PAG1: variants seen among roughly 807,000 people sequenced by gnomAD.
PAG1 encodes the protein phosphoprotein associated with glycosphingolipid-enriched microdomains 1.
PAG1 carries 23 observed loss-of-function variants against 31.7 expected under a neutral mutation model. That is an observed-to-expected ratio of 0.73 (90% CI 0.52 to 1.03). PAG1 has a LOEUF of 1.03. PAG1 is among the 50% of genes least tolerant of loss of function. PAG1 has a pLI of 0.00. For missense variants in PAG1, 473 were observed against 540.7 expected (o/e 0.87, Z 1.24); for synonymous variants, 214 against 210.3 (o/e 1.02, Z -0.15).
At position 80,984,849 on chromosome 8, in the gene PAG1, T is replaced by C; in HGVS notation, c.803A>G (p.Asn268Ser). The C allele has an allele frequency of 1.2e-6, 2 of 1,614,170 alleles. No individual in the cohort carries two copies. Among genetic ancestry groups the C allele is most frequent in the Non-Finnish European group, 1.7e-6 (2 of 1,180,006 alleles). Reference protein sequence around the residue: ...PPVPVKLLDENENLQEKEGGE... With the variant: ...PPVPVKLLDESENLQEKEGGE... ...CCCTTCCTTCTCCTGAAGGTTTTCATTCTCGTCCAGAAGCTTAACAGGGAC... is the reference window on the plus strand; with the variant it reads ...CCCTTCCTTCTCCTGAAGGTTTTCACTCTCGTCCAGAAGCTTAACAGGGAC... The change falls in exon 7 of 9, where the codon AAT becomes AGT. Residue 268 changes from asparagine to serine, a missense_variant. Asn to Ser is a conservative substitution (Grantham distance 46). Coordinates refer to ENST00000220597, the MANE Select transcript of PAG1 (RefSeq NM_018440.4).
chr8:81,039,137 T>A (rs1808510964), intron 2 of PAG1, among the ~76,000 whole-genome samples: 1 of 152,156 alleles, frequency 6.6e-6, no homozygotes, highest in Non-Finnish European at 1.5e-5. Flanking sequence ...GAGAATCTTA[T>A]ACTCTGTGTG....
At chr8:81,065,797 G>A (rs1427516534) in intron 2 of PAG1, among the ~76,000 whole-genome samples, 1 of 150,290 alleles carries the variant, frequency 6.7e-6, no homozygotes, top group Non-Finnish European at 1.5e-5. Flanking sequence ...ATATATATAT[G>A]TATATATATG....
At chr8:81,030,315 T>A (rs1388867006) in intron 2 of PAG1, among the ~76,000 whole-genome samples, 1 of 152,190 alleles carries the variant, frequency 6.6e-6, no homozygotes, top group Non-Finnish European at 1.5e-5. Context: ...TATCTCCCCA[T>A]CCACCCAAAA....
intron 1 of PAG1, among the ~76,000 whole-genome samples, chr8:81,082,986 C>A (rs1368095634): frequency 6.6e-6 from 1 of 151,544 alleles, no homozygotes; most frequent in Admixed American, 6.6e-5. Context: ...TCATTGAAAC[C>A]TGGACATTTT....
chr8:81,098,239 T>A (rs1809557460), intron 1 of PAG1, among the ~76,000 whole-genome samples: 3 of 152,316 alleles, frequency 2.0e-5, no homozygotes, highest in South Asian at 4.1e-4. Flanking sequence ...AAAAGACTAA[T>A]GGGCTTGCTA....
At chr8:81,002,473 C>T (rs369988772) in intron 3 of PAG1, among the ~76,000 whole-genome samples, 232 of 152,314 alleles carry the variant, frequency 1.5e-3, no homozygotes, top group African/African-American at 5.1e-3. Context: ...ACCCTCAAGA[C>T]TGGAGAAGTA....
intron 3 of PAG1, among the ~76,000 whole-genome samples, chr8:81,016,747 T>C (rs1808078962): frequency 6.6e-6 from 1 of 152,148 alleles, no homozygotes; most frequent in Non-Finnish European, 1.5e-5. Context: ...AGAAATGAAA[T>C]CTCTTTCCCC....
At chr8:81,032,755 C>T (rs1380429729) in intron 2 of PAG1, among the ~76,000 whole-genome samples, 1 of 152,166 alleles carries the variant, frequency 6.6e-6, no homozygotes, top group Non-Finnish European at 1.5e-5. Context: ...TACGTCCACA[C>T]AAAAACTTGC....
At chr8:81,061,107 A>T (rs974927737) in intron 2 of PAG1, among the ~76,000 whole-genome samples, 3 of 152,258 alleles carry the variant, frequency 2.0e-5, no homozygotes, top group Non-Finnish European at 2.9e-5. Context: ...CTATTCCCAG[A>T]CATAACAAGA....
intron 1 of PAG1, among the ~76,000 whole-genome samples, chr8:81,094,782 T>C (rs763126171): frequency 4.6e-5 from 7 of 152,232 alleles, no homozygotes; most frequent in Non-Finnish European, 1.0e-4. Context: ...TGTTCACTCA[T>C]GAAACAACCC....
intron 1 of PAG1, among the ~76,000 whole-genome samples, chr8:81,078,211 T>G (rs961637330): frequency 6.6e-6 from 1 of 152,192 alleles, no homozygotes; most frequent in Non-Finnish European, 1.5e-5. Flanking sequence ...TTTAATCTGT[T>G]TAGTAAAATC....
rs1808788949 is a variant in PAG1, at chr8:81,054,811, G to A, written c.-175+15301C>T. 2.0e-5 allele frequency among the ~76,000 whole-genome samples: 3 copies of A among 152,190 alleles called. No individual in the cohort carries two copies. In the South Asian group the frequency reaches 6.2e-4, roughly 32 times the overall value. ...CTAAGTGACACAGCTGGTAAGTGGT[G>A]AAAGAGGTCTGATTCCAGCCCAAGG... On this transcript the variant is annotated intron_variant, in intron 2 of 8. Coordinates refer to ENST00000220597, the MANE Select transcript of PAG1 (RefSeq NM_018440.4).
Position 80,987,422 on chromosome 8 carries a change from T to C in PAG1, c.222A>G (p.Ala74=), listed in dbSNP as rs1236518485. 1 of 1,614,076 alleles carries C rather than the reference T, an allele frequency of 6.2e-7. No individual in the cohort carries two copies. Among genetic ancestry groups the C allele is most frequent in the Admixed American group, 1.7e-5 (1 of 60,030 alleles). Residue 74 remains alanine, a synonymous_variant, in exon 6 of 9, where the codon GCA becomes GCG. Coordinates refer to ENST00000220597, the MANE Select transcript of PAG1 (RefSeq NM_018440.4). ...EMFSRSVTSL[A]TDAPASSEQN... is the part of the protein sequence containing the mutation. ...GCTCACTGCTGGCAGGAGCATCTGT[T>C]GCCAGGCTAGTAACTGAACGGCTGA...
In PAG1 at chr8:81,074,174, A is replaced by C. The variant is rs113028351; in HGVS notation, c.-233-4004T>G. Among the ~76,000 whole-genome samples, 643 of 152,328 alleles carry C rather than the reference A, an allele frequency of 4.2e-3. 5 individuals are homozygous for C. Among genetic ancestry groups the C allele is most frequent in the African/African-American group, 0.015 (608 of 41,574 alleles). On this transcript the variant is annotated intron_variant, in intron 1 of 8. Transcript: ENST00000220597. ...CCAGAAAAGCAGAACAATGGACAGA[A>C]TAGCGGCACAGGGACCCACTGAGAC...
chr8:81,081,286 T>C (rs955550195), intron 1 of PAG1, among the ~76,000 whole-genome samples: 20 of 152,184 alleles, frequency 1.3e-4, no homozygotes, highest in Non-Finnish European at 2.9e-5. Flanking sequence ...CAAAGTTCTT[T>C]ATATATGATA....
chr8:81,100,271 G>A (rs1253342536), intron 1 of PAG1, among the ~76,000 whole-genome samples: 1 of 152,214 alleles, frequency 6.6e-6, no homozygotes, highest in Admixed American at 6.5e-5. Context: ...TGTATTCTCA[G>A]AGCCTAGTAG....
intron 3 of PAG1, among the ~76,000 whole-genome samples, chr8:81,021,950 T>A (rs879283667): frequency 9.9e-5 from 15 of 152,220 alleles, no homozygotes; most frequent in African/African-American, 3.4e-4. Context: ...GTCTGCATTT[T>A]AAAATCCACA....
chr8:81,094,661 A>AG (rs1321279411), intron 1 of PAG1, among the ~76,000 whole-genome samples: 6 of 152,238 alleles, frequency 3.9e-5, no homozygotes, highest in Admixed American at 6.5e-5. Context: ...TCTAGCTTTG[A>AG]GGGAAAAAAA....
intron 2 of PAG1, among the ~76,000 whole-genome samples, chr8:81,051,766 T>C (rs1357442651): frequency 6.6e-6 from 1 of 152,230 alleles, no homozygotes; most frequent in African/African-American, 2.4e-5. Context: ...TACAGTGTCA[T>C]GTGCCATTTT....
Sources: gnomAD v4.1 joint callset for allele counts (sites outside exome capture counted in the v4.1 genomes callset) on GRCh38, gnomAD v4.1.1 for gene constraint, MANE v1.5 for transcripts, NCBI Gene and HGNC (gene_info 2026-07-23, HGNC 2026-07-21) for gene names.